The following PDLIM5 variants were observed in gnomAD, a reference collection of about 807,000 sequenced individuals.
The protein encoded by PDLIM5 is PDZ and LIM domain 5.
Under a neutral mutation model 64.2 loss-of-function variants are expected in PDLIM5, and 34 were observed. That is an observed-to-expected ratio of 0.53 (90% CI 0.40 to 0.71). The LOEUF is 0.71. Ranked by LOEUF, PDLIM5 falls within the 30% of genes least tolerant of loss-of-function variation. PDLIM5 has a pLI of 0.00. For synonymous variants in PDLIM5, 253 were observed against 269.1 expected, an observed-to-expected ratio of 0.94 and a Z score of 0.59; for missense variants, 683 against 733.6, an observed-to-expected ratio of 0.93 and a Z score of 0.80.
intron 1 of PDLIM5, among the ~76,000 whole-genome samples, chr4:94,452,712 G>A (rs1170079761): frequency 1.3e-5 from 2 of 152,186 alleles, no homozygotes; most frequent in Non-Finnish European, 2.9e-5. Context: ...GAGCTTGGAA[G>A]GAAAATTCGT....
At chr4:94,526,341 A>C (rs867167493) in intron 3 of PDLIM5, among the ~76,000 whole-genome samples, 19 of 152,340 alleles carry the variant, frequency 1.2e-4, no homozygotes, top group Middle Eastern at 3.4e-3. Context: ...TAAATACAGA[A>C]TCTGACAAAC....
At chr4:94,609,223 G>A (rs1022633564) in intron 7 of PDLIM5, among the ~76,000 whole-genome samples, 1 of 152,058 alleles carries the variant, frequency 6.6e-6, no homozygotes, top group Non-Finnish European at 1.5e-5. Flanking sequence ...TGAAAAAAGT[G>A]GTCATACTGT....
chr4:94,516,509 TC>T, intron 2 of PDLIM5, among the ~76,000 whole-genome samples: 1 of 26,830 alleles, frequency 3.7e-5, no homozygotes, highest in African/African-American at 1.2e-3. Context: ...TCCAAAGCAG[TC>T]TCTCTCTCTC....
chr4:94,546,597 A>G lies in PDLIM5; in HGVS notation c.248+22722A>G, dbSNP rs181576004. Among the ~76,000 whole-genome samples, 495 of 152,278 alleles carry G rather than the reference A, an allele frequency of 3.3e-3. 2 individuals are homozygous for G. The highest frequency in any genetic ancestry group is 0.017 in the Middle Eastern group (5 of 294). The stretch of plus-strand genomic sequence containing the variant: ...AATGTGGCTTAATTATCTATCTAAT[A>G]TTAAATACAAATTAAATTTGCTATC... On this transcript the variant is annotated intron_variant, in intron 3 of 12. Coordinates refer to ENST00000317968, the MANE Select transcript of PDLIM5 (RefSeq NM_006457.5).
chr4:94,559,733 G>A (rs1733676074), intron 3 of PDLIM5, among the ~76,000 whole-genome samples: 1 of 152,184 alleles, frequency 6.6e-6, no homozygotes, highest in African/African-American at 2.4e-5. Flanking sequence ...AGCCTTGGGT[G>A]TGGTCTATGA....
At chr4:94,557,461 A>G (rs1052179399) in intron 3 of PDLIM5, among the ~76,000 whole-genome samples, 1 of 152,286 alleles carries the variant, frequency 6.6e-6, no homozygotes, top group South Asian at 2.1e-4. Flanking sequence ...TGGTAGTTGG[A>G]TGGGGATGGC....
intron 3 of PDLIM5, among the ~76,000 whole-genome samples, chr4:94,530,481 T>C (rs1365152749): frequency 1.3e-5 from 2 of 150,200 alleles, no homozygotes; most frequent in Non-Finnish European, 3.0e-5. Context: ...TTATTTTATG[T>C]TGTTAAATTA....
intron 2 of PDLIM5, among the ~76,000 whole-genome samples, chr4:94,473,654 A>G (rs932013553): frequency 6.6e-6 from 1 of 152,234 alleles, no homozygotes; most frequent in South Asian, 2.1e-4. Flanking sequence ...TCCTTGGATT[A>G]AAATAAGGTC....
At position 94,588,777 on chromosome 4, in the gene PDLIM5, G is replaced by A. The variant is rs368341595; in HGVS notation, c.920+2333G>A. ...TCAAGGGTCTATTTTTATTTTTCCA[G>A]GTATTCTTTCACATTAGTGACATTA... On this transcript the variant is annotated intron_variant, in intron 7 of 12. Coordinates refer to ENST00000317968, the MANE Select transcript of PDLIM5 (RefSeq NM_006457.5). Among the ~76,000 whole-genome samples, 5 of 152,116 alleles carry A rather than the reference G, an allele frequency of 3.3e-5. No individual in the cohort carries two copies. The East Asian group carries it at 5.8e-4, about 18-fold the overall frequency.
At chr4:94,586,292 T>C in intron 6 of PDLIM5, 116 bp from the exon 7 acceptor site, 2 of 630,164 alleles carry the variant, frequency 3.2e-6, no homozygotes, top group East Asian at 2.7e-5. Context: ...ATGGAATTCG[T>C]TTTAGTGGCT....
Position 94,452,014 on chromosome 4 carries a change from G to C in PDLIM5, c.-43+19G>C, listed in dbSNP as rs1472372520. The C allele has an allele frequency of 6.6e-6, 1 of 152,302 alleles. No individual in the cohort carries two copies. Among genetic ancestry groups the C allele is most frequent in the Non-Finnish European group, 1.5e-5 (1 of 68,132 alleles). 9.4% of individuals were successfully genotyped at this position (152,302 alleles called of 1,614,324 possible). A position where few individuals can be genotyped will look rare whatever the true frequency, so the allele number is the denominator to read the frequency against. On this transcript the variant is annotated intron_variant, in intron 1 of 12. Coordinates refer to ENST00000317968, the MANE Select transcript of PDLIM5 (RefSeq NM_006457.5). ...ACCCGAGGTGAGTGGCGGCCGGCCG[G>C]CGATGCGCCTCTCGGATCTCCGGTG...
chr4:94,491,477 A>G (rs1002980587), intron 2 of PDLIM5, among the ~76,000 whole-genome samples: 5 of 152,102 alleles, frequency 3.3e-5, no homozygotes, highest in African/African-American at 1.2e-4. Context: ...TGTATCTTTT[A>G]GGGCCTTGTT....
rs188654871 is a variant in PDLIM5 at position 94,460,067 on chromosome 4, A to T, written c.96+4683A>T. 4.7e-4 allele frequency among the ~76,000 whole-genome samples: 72 copies of T among 152,280 alleles called. 1 individual carries two copies. Among genetic ancestry groups the T allele is most frequent in the Admixed American group, 4.7e-3 (72 of 15,290 alleles). On this transcript the variant is annotated intron_variant, in intron 2 of 12. Coordinates refer to ENST00000317968, the MANE Select transcript of PDLIM5 (RefSeq NM_006457.5). ...GAGTATTTTCTTTTATATTCCCTCC[A>T]AGCTACCCTGTCATTATGCCAAGTT...
intron 2 of PDLIM5, among the ~76,000 whole-genome samples, chr4:94,508,819 TA>T (rs1728619729): frequency 6.6e-6 from 1 of 152,224 alleles, no homozygotes; most frequent in Non-Finnish European, 1.5e-5. Context: ...TGCACCAACC[TA>T]ATATGACTTT....
chr4:94,547,421 A>G (rs754857352), intron 3 of PDLIM5, among the ~76,000 whole-genome samples: 19 of 152,130 alleles, frequency 1.2e-4, no homozygotes, highest in East Asian at 1.9e-4. Flanking sequence ...GTCTCACATC[A>G]TATCATCCTA....
rs1331563865 is a variant in PDLIM5 at position 94,523,982 on chromosome 4, T to C, written c.248+107T>C. On this transcript the variant is annotated intron_variant, in intron 3 of 12. Transcript: ENST00000317968. ...TAAGACTCAGTTTCTGCTACCATCA[T>C]TTCAGGTAAATAAAAAATATAATGG... 8 of 714,732 alleles carry C rather than the reference T, an allele frequency of 1.1e-5. No homozygotes were observed. In the East Asian group the frequency reaches 2.0e-4, roughly 18 times the overall value. 44.3% of individuals were successfully genotyped at this position (714,732 alleles called of 1,614,324 possible).
At chr4:94,482,709 T>G (rs979413961) in intron 2 of PDLIM5, among the ~76,000 whole-genome samples, 6 of 151,986 alleles carry the variant, frequency 3.9e-5, no homozygotes, top group African/African-American at 1.4e-4. Context: ...AGCAACATAG[T>G]GAGACCCTGC....
chr4:94,587,996 C>A, intron 7 of PDLIM5: 1 of 974,570 alleles, frequency 1.0e-6, no homozygotes, highest in Non-Finnish European at 1.2e-6. Flanking sequence ...TTGGGCAATA[C>A]ATGGAAGCTA....
At chr4:94,660,739 G>A (rs10025410) in intron 11 of PDLIM5, among the ~76,000 whole-genome samples, 35,071 of 151,914 alleles carry the variant, frequency 0.23, 4,416 homozygotes, top group African/African-American at 0.33. Flanking sequence ...CAATTGCCAA[G>A]TAAGGTTAAT....
Sources: gnomAD v4.1 joint callset for allele counts (sites outside exome capture counted in the v4.1 genomes callset) on GRCh38, gnomAD v4.1.1 for gene constraint, MANE v1.5 for transcripts, NCBI Gene and HGNC (gene_info 2026-07-23, HGNC 2026-07-21) for gene names.